HSPB2: variants seen among roughly 807,000 people sequenced by gnomAD.
HSPB2 encodes heat shock protein beta-2.
In HSPB2, 14 loss-of-function variants were observed where a neutral mutation model predicts 14.1. That is an observed-to-expected ratio of 0.99 (90% CI 0.66 to 1.55). The LOEUF (loss-of-function observed/expected upper bound fraction) is 1.55, where lower values mean the gene tolerates loss of function less well. Ranked by LOEUF, HSPB2 falls within the 40% of genes most tolerant of loss-of-function variation. The pLI is 0.00. For missense variants in HSPB2, 242 were observed against 241.7 expected, an observed-to-expected ratio of 1.00 and a Z score of -0.01; for synonymous variants, 110 against 103.4, an observed-to-expected ratio of 1.06 and a Z score of -0.39.
chr11:111,913,468 C>T lies in HSPB2; in HGVS notation c.122C>T (p.Pro41Leu). Residue 41 changes from proline (P) to leucine (L), a missense_variant, in exon 2 of 2, where the codon CCC becomes CTC. Transcript: ENST00000304298. ...CTCCTGCCAGAAGAGATCCTGACCC[C>T]CACACTCTACCATGGCTACTATGTC... ...EGLLPEEILT[P>L]TLYHGYYVRP... The T allele has an allele frequency of 6.2e-7, 1 of 1,611,418 alleles. No individual in the cohort carries two copies. The highest frequency in any genetic ancestry group is 1.1e-5 in the South Asian group (1 of 91,070).
chr11:111,914,045 A>T lies in HSPB2; in HGVS notation c.*150A>T. The T allele has an allele frequency of 1.4e-6, 1 of 734,762 alleles. No homozygotes were observed. The allele number at this position is 734,762 out of a possible 1,614,324, so 45.5% of individuals were successfully genotyped here. A position where few individuals can be genotyped will look rare whatever the true frequency, so the allele number is the denominator to read the frequency against. On this transcript the variant is annotated 3_prime_UTR_variant, in exon 2 of 2. Transcript: ENST00000304298. Reference sequence around the variant, plus strand: ...GGTTTGGTCCCATGGGACATGTCATAGCCTTGGTTTAGTTTTGGGTGGAGC... The same window carrying T: ...GGTTTGGTCCCATGGGACATGTCATTGCCTTGGTTTAGTTTTGGGTGGAGC...
At chr11:111,912,950 C>CT in intron 1 of HSPB2, 27 bp downstream of exon 1, 2 of 1,120,374 alleles carry the variant, frequency 1.8e-6, no homozygotes, top group Non-Finnish European at 2.4e-6. Flanking sequence ...ACCCCCTTGC[C>CT]CCCCACCCCC....
Position 111,913,074 on chromosome 11 carries a change from C to A in HSPB2, c.94+151C>A, listed in dbSNP as rs530400791. On this transcript the variant is annotated intron_variant, in intron 1 of 1. Coordinates refer to ENST00000304298, the MANE Select transcript of HSPB2 (RefSeq NM_001541.4). Reference sequence around the variant, plus strand: ...CACCCCAGACTACCCCTCATCCCCTCCAAGCAGAGATCTTTCCCATTCCTG... The same window carrying A: ...CACCCCAGACTACCCCTCATCCCCTACAAGCAGAGATCTTTCCCATTCCTG... 9.2e-6 allele frequency: 6 copies of A among 655,688 alleles called. No individual in the cohort carries two copies. In the African/African-American group the frequency reaches 1.1e-4, roughly 12 times the overall value. The allele number at this position is 655,688 out of a possible 1,614,324, so 40.6% of individuals were successfully genotyped here. A position where few individuals can be genotyped will look rare whatever the true frequency, so the allele number is the denominator to read the frequency against.
At position 111,913,686 on chromosome 11, in the gene HSPB2, T is replaced by C; in HGVS notation, c.340T>C (p.Ser114Pro). Residue 114 changes from serine (S) to proline (P), a missense_variant, in exon 2 of 2, where the codon TCC (serine) becomes CCC (proline). Ser to Pro is a moderately conservative substitution (Grantham distance 74). Transcript: ENST00000304298. ...GCGCCTGGACCGCCACGGCTTCGTG[T>C]CCCGAGAGTTCTGCCGCACCTATGT... ...PQRLDRHGFV[S>P]REFCRTYVLP... is the part of the protein sequence containing the mutation. 1 of 1,614,142 alleles carries C rather than the reference T, an allele frequency of 6.2e-7. No individual in the cohort carries two copies.
At chr11:111,913,324 A>T in intron 1 of HSPB2, 117 bp from the exon 2 acceptor site, 1 of 755,810 alleles carries the variant, frequency 1.3e-6, no homozygotes. Context: ...CCCGTTCCCT[A>T]CTCCTCCTGA....
In HSPB2 at chr11:111,913,649, C is replaced by T. The variant is rs587694964; in HGVS notation, c.303C>T (p.Ala101=). Residue 101 remains alanine, a synonymous_variant, in exon 2 of 2, where the codon GCC becomes GCT. Transcript: ENST00000304298. ...RTVDNLLEVS[A]RHPQRLDRHG... Reference sequence around the variant, plus strand: ...TGGATAACCTGCTGGAGGTGTCTGCCCGGCACCCCCAGCGCCTGGACCGCC... The same window carrying T: ...TGGATAACCTGCTGGAGGTGTCTGCTCGGCACCCCCAGCGCCTGGACCGCC... 6 of 1,614,154 alleles carry T rather than the reference C, an allele frequency of 3.7e-6. No individual in the cohort carries two copies. The African/African-American group carries it at 4.0e-5, about 11-fold the overall frequency.
chr11:111,913,001 C>T (rs1965518688), intron 1 of HSPB2, 78 bp downstream of exon 1: 3 of 979,204 alleles, frequency 3.1e-6, no homozygotes, highest in Admixed American at 4.4e-5. Flanking sequence ...CGTTGCTGGC[C>T]TCCACCCCAC....
In HSPB2 at chr11:111,913,984, T is replaced by C. The variant is rs1965555920; in HGVS notation, c.*89T>C. ...CACCACTCCAGAGGTAGCAGCATCC[T>C]TGGGGGAAGGGAAAGGTGCATGGTC... On this transcript the variant is annotated 3_prime_UTR_variant, in exon 2 of 2. Transcript: ENST00000304298. 5.2e-6 allele frequency: 6 copies of C among 1,149,784 alleles called. No homozygotes were observed. Among genetic ancestry groups the C allele is most frequent in the Non-Finnish European group, 7.3e-6 (6 of 817,612 alleles). 71.2% of individuals were successfully genotyped at this position (1,149,784 alleles called of 1,614,324 possible).
chr11:111,913,863 G>A lies in HSPB2; in HGVS notation c.517G>A (p.Glu173Lys). 1 of 1,612,382 alleles carries A rather than the reference G, an allele frequency of 6.2e-7. No homozygotes were observed. Among genetic ancestry groups the A allele is most frequent in the Admixed American group, 1.7e-5 (1 of 59,924 alleles). Residue 173 changes from glutamate to lysine, a missense_variant, in exon 2 of 2, where the codon GAA becomes AAA. Coordinates refer to ENST00000304298, the MANE Select transcript of HSPB2 (RefSeq NM_001541.4). ...SLLPAPPDPE[E>K]EEEAAIVEP ...GCTCCCTGCGCCTCCTGATCCAGAG[G>A]AAGAGGAGGAGGCAGCCATAGTTGA... is the stretch of plus-strand genomic sequence containing the variant.
At position 111,913,547 on chromosome 11, in the gene HSPB2, T is replaced by C. The variant is rs1555165862; in HGVS notation, c.201T>C (p.Leu67=). The change falls in exon 2 of 2, where the codon CTT becomes CTC. Residue 67 remains leucine (L), a synonymous_variant. Transcript: ENST00000304298. ...GCAGCAGGGCAGGGGCCTCCGAGCT[T>C]AGGCTCAGTGAGGGCAAGTTCCAGG... ...GEGSRAGASE[L]RLSEGKFQAF... The C allele has an allele frequency of 1.2e-6, 2 of 1,614,124 alleles. No individual in the cohort carries two copies. Among genetic ancestry groups the C allele is most frequent in the Admixed American group, 3.3e-5 (2 of 60,028 alleles).
At position 111,912,880 on chromosome 11, in the gene HSPB2, A is replaced by G. The variant is rs1215085673; in HGVS notation, c.51A>G (p.Glu17=). ...CCCACCCGGCCACCGCCGAGTACGAATTTGCCAACCCGAGCCGCCTGGGTG... is the reference window on the plus strand; with the variant it reads ...CCCACCCGGCCACCGCCGAGTACGAGTTTGCCAACCCGAGCCGCCTGGGTG... ...PHAHPATAEY[E]FANPSRLGEQ... is the part of the protein sequence containing the mutation. Residue 17 remains glutamate, a synonymous_variant, in exon 1 of 2, where the codon GAA becomes GAG. Coordinates refer to ENST00000304298, the MANE Select transcript of HSPB2 (RefSeq NM_001541.4). The G allele has an allele frequency of 1.2e-5, 20 of 1,609,864 alleles. No individual in the cohort carries two copies. Among genetic ancestry groups the G allele is most frequent in the Non-Finnish European group, 1.5e-5 (18 of 1,179,160 alleles).
At chr11:111,913,010 A>C (rs1555165810) in intron 1 of HSPB2, 87 bp downstream of exon 1, 2 of 780,812 alleles carry the variant, frequency 2.6e-6, no homozygotes, top group African/African-American at 3.0e-5. Context: ...CCTCCACCCC[A>C]CTCTGGGCTT....
At position 111,913,663 on chromosome 11, in the gene HSPB2, G is replaced by T. The variant is rs782166841; in HGVS notation, c.317G>T (p.Arg106Leu). The T allele has an allele frequency of 1.4e-5, 22 of 1,614,010 alleles. No individual in the cohort carries two copies. The highest frequency in any genetic ancestry group is 1.8e-5 in the Non-Finnish European group (21 of 1,180,032). Reference sequence around the variant, plus strand: ...GAGGTGTCTGCCCGGCACCCCCAGCGCCTGGACCGCCACGGCTTCGTGTCC... The same window carrying T: ...GAGGTGTCTGCCCGGCACCCCCAGCTCCTGGACCGCCACGGCTTCGTGTCC... The part of the protein sequence containing the change: ...LLEVSARHPQ[R>L]LDRHGFVSRE... The change falls in exon 2 of 2, where the codon CGC (arginine) becomes CTC (leucine). Residue 106 changes from arginine (R) to leucine (L), a missense_variant. Physicochemically the swap from Arg to Leu is moderately radical, Grantham distance 102. Coordinates refer to ENST00000304298, the MANE Select transcript of HSPB2 (RefSeq NM_001541.4).
intron 1 of HSPB2, 170 bp from the exon 2 acceptor site, chr11:111,913,271 C>G: frequency 1.5e-6 from 1 of 660,250 alleles, no homozygotes. Flanking sequence ...TCTTTCCCCT[C>G]TTCCGAGCTG....
Position 111,913,995 on chromosome 11 carries a change from G to T in HSPB2, c.*100G>T. 9.6e-7 allele frequency: 1 copy of T among 1,043,056 alleles called. No homozygotes were observed. 64.6% of individuals were successfully genotyped at this position (1,043,056 alleles called of 1,614,324 possible). ...AGGTAGCAGCATCCTTGGGGGAAGG[G>T]AAAGGTGCATGGTCCACAATGTATG... On this transcript the variant is annotated 3_prime_UTR_variant, in exon 2 of 2. Coordinates refer to ENST00000304298, the MANE Select transcript of HSPB2 (RefSeq NM_001541.4).
At position 111,913,743 on chromosome 11, in the gene HSPB2, C is replaced by A. The variant is rs1965547666; in HGVS notation, c.397C>A (p.Arg133=). The change falls in exon 2 of 2, where the codon CGA becomes AGA. Residue 133 remains arginine (R), a synonymous_variant. Coordinates refer to ENST00000304298, the MANE Select transcript of HSPB2 (RefSeq NM_001541.4). ...LPADVDPWRV[R]AALSHDGILN... The stretch of plus-strand genomic sequence containing the variant: ...TGCTGATGTCGACCCCTGGCGAGTC[C>A]GAGCTGCTCTCTCCCATGATGGCAT... The A allele has an allele frequency of 1.9e-6, 3 of 1,614,040 alleles. No individual in the cohort carries two copies.
rs782533003 is a variant in HSPB2, at chr11:111,913,798, G to A, written c.452G>A (p.Arg151Gln). The change falls in exon 2 of 2, where the codon CGA becomes CAA. Residue 151 changes from arginine to glutamine, a missense_variant. By Grantham distance (43) the Arg-to-Gln change is conservative. Transcript: ENST00000304298. ...AACCTGGAAGCACCTCGGGGTGGCC[G>A]ACATTTGGACACAGAGGTCAATGAG... ...ILNLEAPRGG[R>Q]HLDTEVNEVY... is the part of the protein sequence containing the mutation. The A allele has an allele frequency of 8.7e-6, 14 of 1,614,022 alleles. No homozygotes were observed. The highest frequency in any genetic ancestry group is 6.7e-5 in the East Asian group (3 of 44,892).
In HSPB2 at chr11:111,913,621, C is replaced by G; in HGVS notation, c.275C>G (p.Thr92Ser). 3 of 1,614,204 alleles carry G rather than the reference C, an allele frequency of 1.9e-6. No homozygotes were observed. The highest frequency in any genetic ancestry group is 2.5e-6 in the Non-Finnish European group (3 of 1,180,036). Residue 92 changes from threonine (T) to serine (S), a missense_variant, in exon 2 of 2, where the codon ACT becomes AGT. Physicochemically the swap from Thr to Ser is moderately conservative, Grantham distance 58. Transcript: ENST00000304298. ...ACCCCAGACGAGGTGACTGTGAGGA[C>G]TGTGGATAACCTGCTGGAGGTGTCT... The part of the protein sequence containing the change: ...HFTPDEVTVR[T>S]VDNLLEVSAR...
chr11:111,913,084 A>T, intron 1 of HSPB2, 161 bp downstream of exon 1: 6 of 638,080 alleles, frequency 9.4e-6, no homozygotes, highest in Non-Finnish European at 1.1e-5. Context: ...CCAAGCAGAG[A>T]TCTTTCCCAT....
Sources: gnomAD v4.1 joint callset for allele counts on GRCh38, gnomAD v4.1.1 for gene constraint, MANE v1.5 for transcripts, NCBI Gene and HGNC (gene_info 2026-07-23, HGNC 2026-07-21) for gene names.